The following COL4A4 variants were observed in gnomAD, a reference collection of about 807,000 sequenced individuals.
COL4A4 encodes collagen alpha-4(IV) chain.
Under a neutral mutation model 192.9 loss-of-function variants are expected in COL4A4, and 105 were observed. That is an observed-to-expected ratio of 0.54 (90% CI 0.46 to 0.64). The LOEUF is 0.64. COL4A4 is among the 30% of genes least tolerant of loss of function. The probability of loss-of-function intolerance (pLI) is 0.00; values close to 1 mark genes in which losing one functional copy is unlikely to be tolerated. For synonymous variants in COL4A4, 762 were observed against 769.9 expected (o/e 0.99, Z 0.17); for missense variants, 1,967 against 2,169.3 (o/e 0.91, Z 1.85).
At chr2:227,159,879 A>G (rs2064679663) in intron 1 of COL4A4, among the ~76,000 whole-genome samples, 1 of 152,222 alleles carries the variant, frequency 6.6e-6, no homozygotes, top group Admixed American at 6.5e-5. Context: ...TAATACACTT[A>G]ACAAATAATC....
the COL4A4 span, among the ~76,000 whole-genome samples, chr2:226,994,952 C>T: frequency 6.6e-6 from 1 of 152,114 alleles, no homozygotes; most frequent in Non-Finnish European, 1.5e-5. Flanking sequence ...GTGTTTCAAT[C>T]ACGCATGATT....
At chr2:227,013,619 G>A (rs929290309) in intron 44 of COL4A4, among the ~76,000 whole-genome samples, 1 of 152,186 alleles carries the variant, frequency 6.6e-6, no homozygotes, top group Non-Finnish European at 1.5e-5. Context: ...CAGCCCTGTT[G>A]TGGCTCCTTG....
rs371358330 is a variant in COL4A4, at chr2:227,101,458, G to C, written c.1029+46C>G. On this transcript the variant is annotated intron_variant, in intron 17 of 47. Transcript: ENST00000396625. The stretch of plus-strand genomic sequence containing the variant: ...TAAAAATAAATTAGATAATATTAAG[G>C]ATATAAACTTTTATCAGGATATATT... 98 of 1,383,572 alleles carry C rather than the reference G, an allele frequency of 7.1e-5. No individual in the cohort carries two copies. The African/African-American group carries it at 1.3e-3, about 18-fold the overall frequency. The allele number at this position is 1,383,572 out of a possible 1,614,324, so 85.7% of individuals were successfully genotyped here. A position where few individuals can be genotyped will look rare whatever the true frequency, so the allele number is the denominator to read the frequency against.
At chr2:227,103,313 T>C in intron 13 of COL4A4, 116 bp from the exon 14 acceptor site, 1 of 810,232 alleles carries the variant, frequency 1.2e-6, no homozygotes, top group South Asian at 1.6e-5. Context: ...AAAAAAATCT[T>C]AAGAGATTAC....
rs753809558 is a variant in COL4A4 at position 227,117,598 on chromosome 2, T to C, written c.489+1047A>G. 2.6e-5 allele frequency among the ~76,000 whole-genome samples: 4 copies of C among 151,110 alleles called. No individual in the cohort carries two copies. In the South Asian group the frequency reaches 8.3e-4, roughly 31 times the overall value. On this transcript the variant is annotated intron_variant, in intron 7 of 47. Transcript: ENST00000396625. ...TGGTGGTCATGCTAAGAAAACTTTC[T>C]AGAAAGAAACTTGTGAAATGATATT...
intron 25 of COL4A4, 121 bp from the exon 26 acceptor site, chr2:227,062,719 A>T (rs1345628473): frequency 1.4e-6 from 1 of 737,032 alleles, no homozygotes; most frequent in East Asian, 2.7e-5. Flanking sequence ...GTCAAAGAAA[A>T]AGAAGACTCC....
intron 27 of COL4A4, 59 bp from the exon 28 acceptor site, chr2:227,059,682 A>G (rs1976403895): frequency 1.7e-6 from 2 of 1,201,478 alleles, no homozygotes; most frequent in Non-Finnish European, 2.5e-6. Context: ...GAACCAATAC[A>G]TATAAGACTT....
chr2:227,032,058 A>G lies in COL4A4; in HGVS notation c.3707-3T>C. The G allele has an allele frequency of 6.2e-7, 1 of 1,613,944 alleles. No individual in the cohort carries two copies. Among genetic ancestry groups the G allele is most frequent in the East Asian group, 2.2e-5 (1 of 44,866 alleles). Reference sequence around the variant, plus strand: ...AGGACCAGGTGGTCCTGAACTCCCTAAGAAGAGACATGTTCACATGTTATC... The same window carrying G: ...AGGACCAGGTGGTCCTGAACTCCCTGAGAAGAGACATGTTCACATGTTATC... On this transcript the variant is annotated splice_polypyrimidine_tract_variant and splice_region_variant and intron_variant, in intron 39 of 47. Transcript: ENST00000396625.
In COL4A4 at chr2:227,010,374, G is replaced by C; in HGVS notation, c.4461C>G (p.Leu1487=). 6.2e-7 allele frequency: 1 copy of C among 1,614,212 alleles called. No homozygotes were observed. Among genetic ancestry groups the C allele is most frequent in the Non-Finnish European group, 8.5e-7 (1 of 1,180,026 alleles). Residue 1487 remains leucine, a synonymous_variant, in exon 46 of 48, where the codon CTC becomes CTG. Transcript: ENST00000396625. ...GGTATAACAGACTATACCCAGTCCA[G>C]AGCCTGGGCATGCCCAGGGGGCAGG... ...EPTCPLGMPR[L]WTGYSLLYLE... is the part of the protein sequence containing the mutation.
intron 24 of COL4A4, among the ~76,000 whole-genome samples, chr2:227,080,012 C>G (rs569127035): frequency 6.6e-6 from 1 of 152,114 alleles, no homozygotes; most frequent in South Asian, 2.1e-4. Context: ...TGGGTTTGCA[C>G]GAGTTCACCC....
chr2:227,053,531 T>TTTTTTC (rs1296999556), intron 31 of COL4A4, among the ~76,000 whole-genome samples: 9 of 145,154 alleles, frequency 6.2e-5, no homozygotes, highest in African/African-American at 2.3e-4. Context: ...AAGAAAACAT[T>TTTTTTC]TTTTTCTTTT....
In COL4A4 at chr2:227,060,118, A is replaced by AAAAAAAAAAAC; in HGVS notation, c.2164+17_2164+18insGTTTTTTTTTT. 1 of 1,372,248 alleles carries AAAAAAAAAAAC rather than the reference A, an allele frequency of 7.3e-7. No individual in the cohort carries two copies. Among genetic ancestry groups the AAAAAAAAAAAC allele is most frequent in the East Asian group, 2.3e-5 (1 of 43,816 alleles). The allele number at this position is 1,372,248 out of a possible 1,614,324, so 85.0% of individuals were successfully genotyped here. A position where few individuals can be genotyped will look rare whatever the true frequency, so the allele number is the denominator to read the frequency against. Reference sequence around the variant, plus strand: ...CCAAAGCAGAAAAAAAAAAAAAAAAAAAAAAAACCTCACTGACCAGGTGGA... The same window carrying AAAAAAAAAAAC: ...CCAAAGCAGAAAAAAAAAAAAAAAAAAAAAAAAAAACAAAAAAACCTCACTGACCAGGTGGA... On this transcript the variant is annotated intron_variant, in intron 27 of 47. Transcript: ENST00000396625.
At chr2:227,014,044 C>T (rs1255618975) in intron 44 of COL4A4, among the ~76,000 whole-genome samples, 2 of 152,232 alleles carry the variant, frequency 1.3e-5, no homozygotes, top group South Asian at 2.1e-4. Context: ...AGATTTCCCA[C>T]GCAGGCCCCT....
At chr2:227,101,675 GTTCATCA>G in intron 16 of COL4A4, 118 bp from the exon 17 acceptor site, 1 of 1,117,644 alleles carries the variant, frequency 8.9e-7, no homozygotes, top group Admixed American at 2.0e-5. Context: ...TCTTAACACT[GTTCATCA>G]GTTGCATCAG....
intron 4 of COL4A4, among the ~76,000 whole-genome samples, chr2:227,131,219 G>A (rs1345751975): frequency 1.3e-5 from 2 of 149,528 alleles, no homozygotes; most frequent in Non-Finnish European, 3.0e-5. Context: ...GCAGTGGCAC[G>A]ATCTCGGCCC....
chr2:227,033,292 GT>G (rs1448758383), intron 38 of COL4A4, 117 bp downstream of exon 38: 133 of 839,454 alleles, frequency 1.6e-4, no homozygotes, highest in Non-Finnish European at 2.5e-4. Context: ...ACCTAAGCCA[GT>G]TTTTTTCAGT....
At chr2:227,032,518 G>C (rs1003924471) in intron 38 of COL4A4, among the ~76,000 whole-genome samples, 1 of 152,142 alleles carries the variant, frequency 6.6e-6, no homozygotes, top group African/African-American at 2.4e-5. Context: ...CAACAACTTA[G>C]AGGCAATACC....
chr2:226,982,812 G>T, the COL4A4 span, among the ~76,000 whole-genome samples: 15 of 152,186 alleles, frequency 9.9e-5, no homozygotes. Context: ...AGGCACCAGG[G>T]ATCCAGAGGT....
At position 227,032,360 on chromosome 2, in the gene COL4A4, A is replaced by G. The variant is rs10179756; in HGVS notation, c.3578-84T>C. On this transcript the variant is annotated intron_variant, in intron 38 of 47. Transcript: ENST00000396625. Reference sequence around the variant, plus strand: ...GCCTGAAAAGGAACCACTTCCCAATAGCGGCAGAGGAGTGGCTGGTTCTGC... The same window carrying G: ...GCCTGAAAAGGAACCACTTCCCAATGGCGGCAGAGGAGTGGCTGGTTCTGC... 0.44 allele frequency: 652,985 copies of G among 1,490,834 alleles called. 145,509 individuals carry two copies. Among genetic ancestry groups the G allele is most frequent in the South Asian group, 0.57 (46,742 of 82,510 alleles). The allele number at this position is 1,490,834 out of a possible 1,614,324, so 92.4% of individuals were successfully genotyped here.
Sources: gnomAD v4.1 joint callset for allele counts (sites outside exome capture counted in the v4.1 genomes callset) on GRCh38, gnomAD v4.1.1 for gene constraint, MANE v1.5 for transcripts, NCBI Gene and HGNC (gene_info 2026-07-23, HGNC 2026-07-21) for gene names.